Variants in TSHZ3 observed in about 807,000 individuals in gnomAD.
TSHZ3 encodes the protein teashirt zinc finger homeobox 3, also known as teashirt homolog 3.
TSHZ3 carries 10 observed loss-of-function variants against 64.5 expected under a neutral mutation model. The observed-to-expected ratio is 0.16, with a 90% CI of 0.10 to 0.26. The LOEUF (loss-of-function observed/expected upper bound fraction) is 0.26. Among genes scored for constraint, TSHZ3 ranks in the 10% least tolerant of loss-of-function variants. TSHZ3 has a pLI of 1.00. For missense variants in TSHZ3, 1,242 were observed against 1,421.7 expected (o/e 0.87, Z 2.03); for synonymous variants, 608 against 593.1 (o/e 1.03, Z -0.36).
At chr19:31,325,457 G>A (rs1186010727) in intron 1 of TSHZ3, among the ~76,000 whole-genome samples, 2 of 152,200 alleles carry the variant, frequency 1.3e-5, no homozygotes, top group African/African-American at 4.8e-5. Context: ...ATCCATTTTT[G>A]TTGATGCATG....
chr19:31,246,900 G>A (rs916838500), intron 1 of TSHZ3, among the ~76,000 whole-genome samples: 2 of 151,882 alleles, frequency 1.3e-5, no homozygotes, highest in Non-Finnish European at 2.9e-5. Context: ...ATATCAAAAG[G>A]ACAAAGAAGC....
chr19:31,335,955 T>C (rs1171219943), intron 1 of TSHZ3, among the ~76,000 whole-genome samples: 1 of 151,942 alleles, frequency 6.6e-6, no homozygotes, highest in Non-Finnish European at 1.5e-5. Context: ...AGGGACGGAG[T>C]CCCTAGTGCA....
intron 1 of TSHZ3, among the ~76,000 whole-genome samples, chr19:31,244,344 C>T (rs1332670695): frequency 1.3e-5 from 2 of 152,170 alleles, no homozygotes; most frequent in Non-Finnish European, 2.9e-5. Flanking sequence ...GACATGCTGG[C>T]TTCCCCTTTG....
intron 5 of TSHZ3, among the ~76,000 whole-genome samples, chr19:31,189,614 A>T (rs190512091): frequency 6.6e-6 from 1 of 152,074 alleles, no homozygotes; most frequent in African/African-American, 2.4e-5. Context: ...CTCTGTTTTA[A>T]ATCTTTTGAA....
chr19:31,186,123 G>T (rs1350919048), intron 5 of TSHZ3, among the ~76,000 whole-genome samples: 1 of 152,096 alleles, frequency 6.6e-6, no homozygotes. Context: ...ATCAAGTCGC[G>T]GTGACCGTTC....
chr19:31,158,272 GA>G (rs978787236), intron 5 of TSHZ3, among the ~76,000 whole-genome samples: 3 of 152,136 alleles, frequency 2.0e-5, no homozygotes, highest in South Asian at 2.1e-4. Context: ...GGACAATAGA[GA>G]AAAAAATATA....
At chr19:31,235,585 TTTTC>T (rs397707979) in intron 3 of TSHZ3, among the ~76,000 whole-genome samples, 7 of 139,872 alleles carry the variant, frequency 5.0e-5, no homozygotes, top group Non-Finnish European at 1.1e-4. Context: ...TCCTTCTCTT[TTTTC>T]TTTCTTTTTT....
At chr19:31,342,613 T>C (rs1013605746) in intron 1 of TSHZ3, among the ~76,000 whole-genome samples, 3 of 152,246 alleles carry the variant, frequency 2.0e-5, no homozygotes, top group Non-Finnish European at 4.4e-5. Flanking sequence ...AACATGCATT[T>C]CTCAAAGAAC....
At chr19:31,201,060 C>T (rs1255999087) in intron 5 of TSHZ3, among the ~76,000 whole-genome samples, 1 of 152,100 alleles carries the variant, frequency 6.6e-6, no homozygotes, top group East Asian at 1.9e-4. Context: ...AGGATCCCAA[C>T]ATTGTGACAG....
At chr19:31,172,843 T>C (rs1409079464) in intron 5 of TSHZ3, among the ~76,000 whole-genome samples, 1 of 152,108 alleles carries the variant, frequency 6.6e-6, no homozygotes, top group Non-Finnish European at 1.5e-5. Context: ...AAGAGAATCT[T>C]AGGGAGAGAG....
At chr19:31,305,313 G>C (rs1163861493) in intron 1 of TSHZ3, among the ~76,000 whole-genome samples, 1 of 140,068 alleles carries the variant, frequency 7.1e-6, no homozygotes, top group Non-Finnish European at 1.5e-5. Flanking sequence ...CTGCTGTCTG[G>C]AAAGGAAAAA....
chr19:31,217,700 T>C (rs1345087850), intron 4 of TSHZ3, among the ~76,000 whole-genome samples: 1 of 152,162 alleles, frequency 6.6e-6, no homozygotes, highest in African/African-American at 2.4e-5. Context: ...CTTGGTGTTG[T>C]GCATTCTACG....
At chr19:31,348,754 T>G in intron 1 of TSHZ3, 2 of 184,170 alleles carry the variant, frequency 1.1e-5, no homozygotes, top group Non-Finnish European at 1.1e-5. Context: ...CGCTCACTCG[T>G]TCGCGCTCCC....
In TSHZ3 at chr19:31,277,676, G is replaced by C; in HGVS notation, c.2117C>G (p.Thr706Arg). ...AGGCGGGTGGTCGGTGATGATGGCC[G>C]TGCTGCCACTCAAACTGCTGGCTAG... is the stretch of plus-strand genomic sequence containing the variant. ...KPLASSLSGS[T>R]AIITDHPPEQ... The change falls in exon 2 of 2, where the codon ACG becomes AGG. Residue 706 changes from threonine to arginine, a missense_variant. Physicochemically the swap from Thr to Arg is moderately conservative, Grantham distance 71. Coordinates refer to ENST00000240587, the MANE Select transcript of TSHZ3 (RefSeq NM_020856.4). This position sits in a 1 kb window ranked among gnomAD's most constrained non-coding sequence, Gnocchi z 4.5. 6.5e-7 allele frequency: 1 copy of C among 1,527,870 alleles called. No homozygotes were observed. Among genetic ancestry groups the C allele is most frequent in the Non-Finnish European group, 8.8e-7 (1 of 1,139,524 alleles). The allele number at this position is 1,527,870 out of a possible 1,614,324, so 94.6% of individuals were successfully genotyped here.
In TSHZ3 at chr19:31,268,538, T is replaced by C. The variant is rs540411041; in HGVS notation, n.64-25663A>G. The stretch of plus-strand genomic sequence containing the variant: ...ACAGAAGCCTGGCTGATCTTCCTGA[T>C]TGACACAGTGGGGCCCAGGCCAGGC... On this transcript the variant is annotated intron_variant and non_coding_transcript_variant, in intron 1 of 6. Coordinates refer to the TSHZ3 transcript ENST00000651361. Among the ~76,000 whole-genome samples the C allele has an allele frequency of 1.6e-4, 24 of 152,328 alleles. No individual in the cohort carries two copies. The South Asian group carries it at 5.0e-3, about 32-fold the overall frequency.
At position 31,276,848 on chromosome 19, in the gene TSHZ3, G is replaced by T; in HGVS notation, c.2945C>A (p.Ala982Glu). 6.2e-7 allele frequency: 1 copy of T among 1,614,196 alleles called. No homozygotes were observed. Among genetic ancestry groups the T allele is most frequent in the Non-Finnish European group, 8.5e-7 (1 of 1,180,038 alleles). ...CGTGGAAGGAGTCCTGATTTGGGAC[G>T]CACAATCGTTACAAAAGAAGACGGG... is the stretch of plus-strand genomic sequence containing the variant. Reference protein sequence around the residue: ...GHPVFFCNDCASQIRTPSTYI... With the variant: ...GHPVFFCNDCESQIRTPSTYI... Residue 982 changes from alanine (A) to glutamate (E), a missense_variant, in exon 2 of 2, where the codon GCG (alanine) becomes GAG (glutamate). By Grantham distance (107) the Ala-to-Glu change is moderately radical (BLOSUM62 -1). Coordinates refer to ENST00000240587, the MANE Select transcript of TSHZ3 (RefSeq NM_020856.4).
chr19:31,278,063 A>G lies in TSHZ3; in HGVS notation c.1730T>C (p.Phe577Ser), dbSNP rs1459662502. 6.2e-7 allele frequency: 1 copy of G among 1,613,836 alleles called. No individual in the cohort carries two copies. Among genetic ancestry groups the G allele is most frequent in the Non-Finnish European group, 8.5e-7 (1 of 1,179,720 alleles). Residue 577 changes from phenylalanine to serine, a missense_variant, in exon 2 of 2, where the codon TTT becomes TCT. Physicochemically the swap from Phe to Ser is radical, Grantham distance 155 (BLOSUM62 -2). Transcript: ENST00000240587. The surrounding 1 kb of genome is among the most constrained non-coding windows in gnomAD (Gnocchi z 4.7). ...SGKSTPLKPMFGNSEIVSPTK... is the reference protein window; with the variant it reads ...SGKSTPLKPMSGNSEIVSPTK... ...CGGGGAGACAATCTCACTGTTGCCAAACATGGGTTTCAGGGGCGTGCTCTT... is the reference window on the plus strand; with the variant it reads ...CGGGGAGACAATCTCACTGTTGCCAGACATGGGTTTCAGGGGCGTGCTCTT...
At chr19:31,204,193 CAG>C (rs1975129092) in intron 5 of TSHZ3, among the ~76,000 whole-genome samples, 1 of 151,958 alleles carries the variant, frequency 6.6e-6, no homozygotes, top group African/African-American at 2.4e-5. Context: ...GGTGGGGACA[CAG>C]AGCAAAACCA....
intron 5 of TSHZ3, among the ~76,000 whole-genome samples, chr19:31,177,692 G>A (rs1484837930): frequency 6.6e-6 from 1 of 152,242 alleles, no homozygotes; most frequent in African/African-American, 2.4e-5. Context: ...GCGCTGGGAA[G>A]CAAATAGATC....
Sources: allele counts gnomAD v4.1 joint callset (sites outside exome capture counted in the v4.1 genomes callset), GRCh38; gene constraint gnomAD v4.1.1; non-coding constraint Gnocchi (gnomAD v3.1); transcripts MANE v1.5; gene names NCBI Gene and HGNC (gene_info 2026-07-23, HGNC 2026-07-21).